TBC1D5: variants seen among roughly 807,000 people sequenced by gnomAD.
The protein encoded by TBC1D5 is TBC1 domain family member 5, also known as TBC1 domain family, member 5.
In TBC1D5, 75 loss-of-function variants were observed where a neutral mutation model predicts 100.3. The ratio of observed to expected loss-of-function variants is 0.75; its 90% CI spans 0.62 to 0.91. TBC1D5 has a LOEUF of 0.91. TBC1D5 is among the 40% of genes least tolerant of loss of function. The pLI, the probability that TBC1D5 is intolerant of heterozygous loss-of-function variation, is 0.00. For synonymous variants in TBC1D5, 323 were observed against 325.6 expected (o/e 0.99, Z 0.09); for missense variants, 910 against 942.4 (o/e 0.97, Z 0.45).
intron 18 of TBC1D5, among the ~76,000 whole-genome samples, chr3:17,200,281 A>G (rs540926641): frequency 6.6e-6 from 1 of 152,226 alleles, no homozygotes; most frequent in Non-Finnish European, 1.5e-5. Flanking sequence ...ACTATAGTTC[A>G]GGGGTCCCCA....
intron 15 of TBC1D5, among the ~76,000 whole-genome samples, chr3:17,268,636 CTG>C (rs2079065581): frequency 6.6e-6 from 1 of 151,376 alleles, no homozygotes; most frequent in African/African-American, 2.5e-5. Flanking sequence ...TAGGAAAACT[CTG>C]TGAGTGTTAT....
intron 1 of TBC1D5, among the ~76,000 whole-genome samples, chr3:17,641,250 C>T (rs951837854): frequency 6.6e-6 from 1 of 151,922 alleles, no homozygotes; most frequent in African/African-American, 2.4e-5. Context: ...CAGGAAAATC[C>T]CATGGTACCA....
chr3:17,498,594 G>A (rs1422110547), intron 3 of TBC1D5, among the ~76,000 whole-genome samples: 1 of 152,106 alleles, frequency 6.6e-6, no homozygotes, highest in Non-Finnish European at 1.5e-5. Flanking sequence ...TACCAAAAAT[G>A]AGACATACAA....
At chr3:17,628,157 C>T (rs1031260120) in intron 1 of TBC1D5, among the ~76,000 whole-genome samples, 2 of 151,942 alleles carry the variant, frequency 1.3e-5, no homozygotes, top group African/African-American at 4.8e-5. Flanking sequence ...TTACCTGAGA[C>T]CAGGAGTTTA....
rs138726132 is a variant in TBC1D5 at position 17,346,199 on chromosome 3, T to C, written c.995+25876A>G. Among the ~76,000 whole-genome samples the C allele has an allele frequency of 1.0e-3, 156 of 152,298 alleles. 1 individual carries two copies. Among genetic ancestry groups the C allele is most frequent in the African/African-American group, 3.5e-3 (144 of 41,566 alleles). ...ACAATTGGATGGTAAAGTTTATACATAGCTTTATGAATTTTGAAACAAACT... is the reference window on the plus strand; with the variant it reads ...ACAATTGGATGGTAAAGTTTATACACAGCTTTATGAATTTTGAAACAAACT... On this transcript the variant is annotated intron_variant, in intron 13 of 21. Coordinates refer to ENST00000253692, the Ensembl canonical transcript of TBC1D5.
intron 3 of TBC1D5, among the ~76,000 whole-genome samples, chr3:17,467,661 G>A (rs1387268141): frequency 6.6e-6 from 1 of 151,980 alleles, no homozygotes; most frequent in Non-Finnish European, 1.5e-5. Flanking sequence ...GATCACATGA[G>A]GCCAGGAGTT....
At chr3:17,551,049 GCT>G (rs1029152353) in intron 2 of TBC1D5, among the ~76,000 whole-genome samples, 1 of 151,926 alleles carries the variant, frequency 6.6e-6, no homozygotes, top group Non-Finnish European at 1.5e-5. Context: ...ACAGTAAATA[GCT>G]CTGTGTGTGT....
At chr3:17,346,612 G>C (rs1430887485) in intron 13 of TBC1D5, among the ~76,000 whole-genome samples, 1 of 151,920 alleles carries the variant, frequency 6.6e-6, no homozygotes, top group African/African-American at 2.4e-5. Context: ...CTCCTTAATG[G>C]GTTTCTTGCA....
chr3:17,253,010 C>T (rs1241117931), intron 16 of TBC1D5, among the ~76,000 whole-genome samples: 7 of 152,142 alleles, frequency 4.6e-5, no homozygotes, highest in Non-Finnish European at 5.9e-5. Context: ...CCTAGCACAG[C>T]GTCTGGCACT....
At chr3:17,351,274 T>G (rs991332855) in intron 13 of TBC1D5, among the ~76,000 whole-genome samples, 1 of 152,188 alleles carries the variant, frequency 6.6e-6, no homozygotes, top group Non-Finnish European at 1.5e-5. Flanking sequence ...TAAAGACACA[T>G]GCACATGTGT....
At chr3:17,533,979 T>C (rs547447497) in intron 2 of TBC1D5, among the ~76,000 whole-genome samples, 3 of 152,262 alleles carry the variant, frequency 2.0e-5, no homozygotes, top group African/African-American at 7.2e-5. Context: ...CTCTAACCTA[T>C]ATAACCAAGT....
chr3:17,494,573 G>A (rs2095680621), intron 3 of TBC1D5, among the ~76,000 whole-genome samples: 1 of 152,142 alleles, frequency 6.6e-6, no homozygotes, highest in South Asian at 2.1e-4. Flanking sequence ...GGCTCCCCAG[G>A]GAGATCAGAG....
At chr3:17,647,149 C>A (rs1403809415) in intron 1 of TBC1D5, 1 of 152,094 alleles carries the variant, frequency 6.6e-6, no homozygotes, top group East Asian at 1.9e-4. Context: ...ATGCTTTTCA[C>A]ATCTGCTTGT....
chr3:17,177,350 C>G (rs1208909503), intron 19 of TBC1D5, among the ~76,000 whole-genome samples: 1 of 152,096 alleles, frequency 6.6e-6, no homozygotes, highest in Non-Finnish European at 1.5e-5. Flanking sequence ...CCAATTGTTG[C>G]AAGTCTTCCA....
At chr3:17,575,645 T>C (rs751499636) in intron 2 of TBC1D5, among the ~76,000 whole-genome samples, 20 of 152,108 alleles carry the variant, frequency 1.3e-4, no homozygotes, top group Non-Finnish European at 2.8e-4. Context: ...GTTATCCCTA[T>C]GATGGGGAGG....
intron 2 of TBC1D5, among the ~76,000 whole-genome samples, chr3:17,558,621 A>C (rs2096537093): frequency 6.6e-6 from 1 of 152,224 alleles, no homozygotes; most frequent in African/African-American, 2.4e-5. Flanking sequence ...TGGGAGTGAG[A>C]AAGGTGAGGA....
chr3:17,215,218 G>A (rs1209880109), intron 17 of TBC1D5, among the ~76,000 whole-genome samples: 3 of 152,100 alleles, frequency 2.0e-5, no homozygotes, highest in Admixed American at 6.6e-5. Context: ...TCAAGTGGGG[G>A]TGAGTCAGGG....
intron 17 of TBC1D5, among the ~76,000 whole-genome samples, chr3:17,229,130 G>A (rs761236630): frequency 5.9e-5 from 9 of 152,062 alleles, no homozygotes; most frequent in Admixed American, 2.0e-4. Flanking sequence ...GGAGGTCTAC[G>A]GGGGGACTTG....
intron 2 of TBC1D5, among the ~76,000 whole-genome samples, chr3:17,573,716 T>C (rs903951367): frequency 1.3e-5 from 2 of 152,036 alleles, no homozygotes; most frequent in African/African-American, 2.4e-5. Context: ...ACATTCTTCA[T>C]ATACATTCGG....
Sources: gnomAD v4.1 joint callset for allele counts (sites outside exome capture counted in the v4.1 genomes callset) on GRCh38, gnomAD v4.1.1 for gene constraint, MANE v1.5 for transcripts, NCBI Gene and HGNC (gene_info 2026-07-23, HGNC 2026-07-21) for gene names.